The following TTC7B variants were observed in gnomAD, a reference collection of about 807,000 sequenced individuals.
TTC7B encodes tetratricopeptide repeat protein 7B.
A neutral mutation model predicts 106.8 loss-of-function variants in TTC7B; 28 were observed. The ratio of observed to expected loss-of-function variants is 0.26; its 90% CI spans 0.19 to 0.36. The LOEUF is 0.36. Ranked by LOEUF, TTC7B falls within the 10% of genes least tolerant of loss-of-function variation. The pLI, the probability that TTC7B is intolerant of heterozygous loss-of-function variation, is 1.00. For missense variants in TTC7B, 862 were observed against 1,076.4 expected, an observed-to-expected ratio of 0.80 and a Z score of 2.79; for synonymous variants, 405 against 430.6, an observed-to-expected ratio of 0.94 and a Z score of 0.74.
chr14:90,702,820 T>C (rs1391070160), intron 5 of TTC7B, among the ~76,000 whole-genome samples: 2 of 152,254 alleles, frequency 1.3e-5, no homozygotes, highest in African/African-American at 2.4e-5. Context: ...TGATGTGACA[T>C]CTCCTAAGAG....
intron 2 of TTC7B, among the ~76,000 whole-genome samples, chr14:90,782,175 A>G (rs991479367): frequency 6.6e-6 from 1 of 151,814 alleles, no homozygotes; most frequent in Non-Finnish European, 1.5e-5. Context: ...CAGCATTGGA[A>G]AGGATGGTGC....
intron 16 of TTC7B, among the ~76,000 whole-genome samples, chr14:90,615,664 T>C (rs1194910687): frequency 6.6e-6 from 1 of 152,158 alleles, no homozygotes; most frequent in Non-Finnish European, 1.5e-5. Context: ...CCTTCAGGCT[T>C]TATGCTGTTG....
chr14:90,720,506 C>G (rs554845412), intron 5 of TTC7B, among the ~76,000 whole-genome samples: 1 of 152,272 alleles, frequency 6.6e-6, no homozygotes, highest in Non-Finnish European at 1.5e-5. Flanking sequence ...CATCTGAAAC[C>G]AACAGCGGAG....
intron 1 of TTC7B, among the ~76,000 whole-genome samples, chr14:90,798,964 A>G (rs2030068274): frequency 6.6e-6 from 1 of 152,078 alleles, no homozygotes; most frequent in African/African-American, 2.4e-5. Context: ...AAGATGACCC[A>G]TGTCACTGTG....
At chr14:90,618,346 G>A (rs142992591) in intron 15 of TTC7B, among the ~76,000 whole-genome samples, 1 of 152,348 alleles carries the variant, frequency 6.6e-6, no homozygotes, top group African/African-American at 2.4e-5. Flanking sequence ...ATGCTTTTTA[G>A]AACCAAACCA....
At chr14:90,774,497 T>A (rs533987285) in intron 3 of TTC7B, among the ~76,000 whole-genome samples, 2 of 152,198 alleles carry the variant, frequency 1.3e-5, no homozygotes, top group Non-Finnish European at 2.9e-5. Flanking sequence ...GAAAGCCCTG[T>A]GGGATGGAGT....
At chr14:90,592,048 T>A (rs772305158) in intron 18 of TTC7B, among the ~76,000 whole-genome samples, 2 of 152,226 alleles carry the variant, frequency 1.3e-5, no homozygotes, top group African/African-American at 4.8e-5. Flanking sequence ...CAATTGAAGA[T>A]GCCAACACAG....
intron 3 of TTC7B, among the ~76,000 whole-genome samples, chr14:90,750,335 T>C (rs1890099787): frequency 6.6e-6 from 1 of 152,178 alleles, no homozygotes; most frequent in Non-Finnish European, 1.5e-5. Flanking sequence ...TGTCAAAGGG[T>C]CAGGAAAAAT....
At chr14:90,555,603 G>A (rs1209239228) in intron 19 of TTC7B, among the ~76,000 whole-genome samples, 2 of 152,310 alleles carry the variant, frequency 1.3e-5, no homozygotes, top group East Asian at 3.9e-4. Flanking sequence ...CCATTCTGCC[G>A]ACTGTGTCTC....
intron 15 of TTC7B, among the ~76,000 whole-genome samples, chr14:90,637,920 C>T (rs571123114): frequency 6.6e-6 from 1 of 152,296 alleles, no homozygotes; most frequent in South Asian, 2.1e-4. Context: ...TTTTCTGAGG[C>T]AGGGCCTCGC....
chr14:90,741,426 G>A (rs909212319), intron 4 of TTC7B, among the ~76,000 whole-genome samples: 1 of 152,136 alleles, frequency 6.6e-6, no homozygotes, highest in Non-Finnish European at 1.5e-5. Context: ...AGGCCCCAGC[G>A]AGCAGAAGTT....
chr14:90,677,694 C>T (rs1886894349), intron 8 of TTC7B: 19 of 360,222 alleles, frequency 5.3e-5, no homozygotes, highest in South Asian at 3.6e-4. Context: ...GGCAGGCTGA[C>T]GTTGATCTTC....
intron 6 of TTC7B, 46 bp downstream of exon 6, chr14:90,695,454 A>C (rs1366906107): frequency 7.6e-6 from 9 of 1,176,742 alleles, no homozygotes; most frequent in Non-Finnish European, 9.6e-6. Flanking sequence ...AATACCTATG[A>C]GACAAGTGCC....
intron 3 of TTC7B, among the ~76,000 whole-genome samples, chr14:90,779,334 G>A (rs751100475): frequency 2.0e-5 from 3 of 152,056 alleles, no homozygotes; most frequent in Non-Finnish European, 4.4e-5. Flanking sequence ...ATGGAGTCTC[G>A]CTCTTGTCGC....
intron 15 of TTC7B, among the ~76,000 whole-genome samples, chr14:90,633,554 C>T (rs1199107880): frequency 6.6e-6 from 1 of 152,144 alleles, no homozygotes; most frequent in Non-Finnish European, 1.5e-5. Flanking sequence ...AGTTCTTAAC[C>T]TGATATTTTT....
At chr14:90,764,170 C>A (rs1890598140) in intron 3 of TTC7B, among the ~76,000 whole-genome samples, 1 of 152,066 alleles carries the variant, frequency 6.6e-6, no homozygotes, top group African/African-American at 2.4e-5. Flanking sequence ...ATATGCTCAA[C>A]TAATTTTCAA....
intron 3 of TTC7B, among the ~76,000 whole-genome samples, chr14:90,778,318 G>T (rs548055891): frequency 6.6e-6 from 1 of 152,198 alleles, no homozygotes; most frequent in Non-Finnish European, 1.5e-5. Flanking sequence ...CCAGGGCCAG[G>T]CTCGGGGCCC....
intron 4 of TTC7B, among the ~76,000 whole-genome samples, chr14:90,739,445 C>T (rs567915130): frequency 2.6e-5 from 4 of 152,302 alleles, no homozygotes; most frequent in Middle Eastern, 3.4e-3. Flanking sequence ...AGTTCAAGAC[C>T]GGCAGTAACC....
chr14:90,730,757 G>A (rs923761731), intron 4 of TTC7B, among the ~76,000 whole-genome samples: 1 of 152,192 alleles, frequency 6.6e-6, no homozygotes, highest in South Asian at 2.1e-4. Context: ...GTTGGGCTGC[G>A]TGGCAGTCCT....
Sources: gnomAD v4.1 joint callset for allele counts (sites outside exome capture counted in the v4.1 genomes callset) on GRCh38, gnomAD v4.1.1 for gene constraint, MANE v1.5 for transcripts, NCBI Gene and HGNC (gene_info 2026-07-23, HGNC 2026-07-21) for gene names.